The following CAST variants were observed in gnomAD, a reference collection of about 807,000 sequenced individuals.
CAST encodes the protein MIR583 host.
CAST carries 76 observed loss-of-function variants against 119.6 expected under a neutral mutation model. The ratio of observed to expected loss-of-function variants is 0.64; its 90% CI spans 0.53 to 0.77. The LOEUF (loss-of-function observed/expected upper bound fraction) is 0.77, where lower values mean the gene tolerates loss of function less well. Among genes scored for constraint, CAST ranks in the 30% least tolerant of loss-of-function variants. The probability of loss-of-function intolerance (pLI) is 0.00; values close to 1 mark genes in which losing one functional copy is unlikely to be tolerated. For synonymous variants in CAST, 319 were observed against 331.6 expected, an observed-to-expected ratio of 0.96 and a Z score of 0.41; for missense variants, 953 against 946.5, an observed-to-expected ratio of 1.01 and a Z score of -0.09.
chr5:96,499,376 A>G, the CAST span, among the ~76,000 whole-genome samples: 1 of 152,260 alleles, frequency 6.6e-6, no homozygotes, highest in East Asian at 1.9e-4. Context: ...TATTTGCACT[A>G]TAGTGTAGTC....
chr5:96,016,364 A>T, the CAST span, among the ~76,000 whole-genome samples: 11 of 152,216 alleles, frequency 7.2e-5, no homozygotes, highest in African/African-American at 2.4e-4. Flanking sequence ...TTTGAACCCA[A>T]GTCCAGAACT....
intron 1 of CAST, among the ~76,000 whole-genome samples, chr5:96,664,787 G>A (rs1359903758): frequency 6.6e-6 from 1 of 152,144 alleles, no homozygotes; most frequent in Non-Finnish European, 1.5e-5. Context: ...CTTCATGAAT[G>A]TTTTCCAGTA....
At chr5:96,429,201 T>C in the CAST span, 2 of 1,297,822 alleles carry the variant, frequency 1.5e-6, no homozygotes, top group Non-Finnish European at 2.2e-6. Context: ...AAGACAAATG[T>C]ACAACACTTA....
chr5:96,227,537 G>C, the CAST span, among the ~76,000 whole-genome samples: 2 of 152,182 alleles, frequency 1.3e-5, no homozygotes, highest in Non-Finnish European at 2.9e-5. Flanking sequence ...TAGGGAAGGG[G>C]AGAGACTGTT....
chr5:96,490,269 C>T, the CAST span, among the ~76,000 whole-genome samples: 1 of 152,176 alleles, frequency 6.6e-6, no homozygotes, highest in African/African-American at 2.4e-5. Context: ...AAGAACCCAA[C>T]TGGCCCCTAA....
chr5:96,595,257 C>A (rs1254855892), intron 1 of CAST, among the ~76,000 whole-genome samples: 3 of 152,146 alleles, frequency 2.0e-5, no homozygotes, highest in African/African-American at 7.2e-5. Flanking sequence ...AAACATGATT[C>A]CCCCATTGGC....
the CAST span, among the ~76,000 whole-genome samples, chr5:96,066,857 G>C: frequency 6.6e-6 from 1 of 151,754 alleles, no homozygotes; most frequent in Non-Finnish European, 1.5e-5. Flanking sequence ...GTAGAGATGG[G>C]GTCTTAGTAT....
the CAST span, among the ~76,000 whole-genome samples, chr5:96,007,237 T>C: frequency 6.6e-6 from 1 of 152,178 alleles, no homozygotes; most frequent in African/African-American, 2.4e-5. Context: ...TAGTTCCTGC[T>C]CAAAGCAGGA....
chr5:96,440,441 G>A, the CAST span, among the ~76,000 whole-genome samples: 1 of 152,194 alleles, frequency 6.6e-6, no homozygotes, highest in Non-Finnish European at 1.5e-5. Context: ...AGACCAGCAA[G>A]CCCAGTGGGT....
chr5:96,429,426 C>CCTGGTAT, the CAST span: 11 of 661,420 alleles, frequency 1.7e-5, no homozygotes, highest in South Asian at 1.9e-4. Flanking sequence ...TAAGCCCATT[C>CCTGGTAT]CTGGTATCTG....
the CAST span, among the ~76,000 whole-genome samples, chr5:96,202,899 C>G: frequency 2.6e-5 from 4 of 151,806 alleles, no homozygotes; most frequent in Non-Finnish European, 5.9e-5. Context: ...CTTTTTGAAT[C>G]CTTTCTTAGG....
the CAST span, among the ~76,000 whole-genome samples, chr5:96,177,956 TACTC>T: frequency 6.6e-6 from 1 of 152,242 alleles, no homozygotes; most frequent in Admixed American, 6.5e-5. Flanking sequence ...TCGCTAGAAA[TACTC>T]AATTGACATA....
chr5:96,404,986 C>G, the CAST span, among the ~76,000 whole-genome samples: 1 of 152,084 alleles, frequency 6.6e-6, no homozygotes, highest in African/African-American at 2.4e-5. Flanking sequence ...CATAGTTGTT[C>G]CTGTGGGATG....
chr5:96,417,919 C>A, the CAST span, among the ~76,000 whole-genome samples: 1 of 152,158 alleles, frequency 6.6e-6, no homozygotes, highest in Non-Finnish European at 1.5e-5. Context: ...GTCACCACTG[C>A]CTTCTTATAT....
the CAST span, among the ~76,000 whole-genome samples, chr5:96,271,652 GA>G: frequency 0.018 from 2,389 of 131,084 alleles, 34 homozygotes; most frequent in African/African-American, 0.047. Flanking sequence ...AAACCACTAG[GA>G]AAAAAAAAAA....
chr5:96,253,007 T>C, the CAST span, among the ~76,000 whole-genome samples: 1 of 152,162 alleles, frequency 6.6e-6, no homozygotes, highest in Non-Finnish European at 1.5e-5. Flanking sequence ...TCAAGTCATA[T>C]TTAAAGGATT....
At chr5:96,172,596 GT>G in the CAST span, among the ~76,000 whole-genome samples, 2 of 152,236 alleles carry the variant, frequency 1.3e-5, no homozygotes, top group Non-Finnish European at 2.9e-5. Context: ...ATGTGGAAAG[GT>G]TCCAGGAAGT....
the CAST span, among the ~76,000 whole-genome samples, chr5:96,471,348 C>G: frequency 6.6e-6 from 1 of 152,118 alleles, no homozygotes; most frequent in African/African-American, 2.4e-5. Flanking sequence ...GCTAAAATTA[C>G]ATTCTCTCTC....
the CAST span, among the ~76,000 whole-genome samples, chr5:96,032,119 TG>T: frequency 1.3e-5 from 2 of 152,166 alleles, no homozygotes; most frequent in Non-Finnish European, 2.9e-5. Flanking sequence ...TGTATTTTAC[TG>T]GTGATACAGA....
Sources: allele counts gnomAD v4.1 joint callset (sites outside exome capture counted in the v4.1 genomes callset), GRCh38; gene constraint gnomAD v4.1.1; transcripts MANE v1.5; gene names NCBI Gene and HGNC (gene_info 2026-07-23, HGNC 2026-07-21).